The following GALNT13 variants were observed in gnomAD, a reference collection of about 807,000 sequenced individuals.
GALNT13 encodes the protein UDP-GalNAc:polypeptide N-acetylgalactosaminyltransferase 13.
In GALNT13, 28 loss-of-function variants were observed where a neutral mutation model predicts 64.2. The observed-to-expected ratio is 0.44, with a 90% CI of 0.32 to 0.60. The LOEUF (loss-of-function observed/expected upper bound fraction) is 0.60. GALNT13 is among the 20% of genes least tolerant of loss of function. The pLI, the probability that GALNT13 is intolerant of heterozygous loss-of-function variation, is 0.05. For synonymous variants in GALNT13, 214 were observed against 224.6 expected, an observed-to-expected ratio of 0.95 and a Z score of 0.42; for missense variants, 577 against 669.8, an observed-to-expected ratio of 0.86 and a Z score of 1.53.
chr2:154,143,311 C>T (rs1243250770), intron 4 of GALNT13, among the ~76,000 whole-genome samples: 1 of 152,134 alleles, frequency 6.6e-6, no homozygotes, highest in African/African-American at 2.4e-5. Flanking sequence ...TGCTGTGTGG[C>T]TGGGTTCCTA....
At chr2:154,172,316 T>C (rs1685399553) in intron 4 of GALNT13, among the ~76,000 whole-genome samples, 1 of 152,058 alleles carries the variant, frequency 6.6e-6, no homozygotes, top group South Asian at 2.1e-4. Context: ...AGTTCTCTAC[T>C]AGCTATTTTG....
At chr2:153,733,025 T>A in the GALNT13 span, among the ~76,000 whole-genome samples, 1 of 152,070 alleles carries the variant, frequency 6.6e-6, no homozygotes, top group Non-Finnish European at 1.5e-5. Context: ...AGGCAACATA[T>A]CTAAGGATAA....
chr2:153,148,743 T>C, the GALNT13 span, among the ~76,000 whole-genome samples: 7 of 151,890 alleles, frequency 4.6e-5, no homozygotes, highest in African/African-American at 1.7e-4. Flanking sequence ...AAGGAAAAAG[T>C]ATTTGATCAA....
At chr2:153,505,022 T>C in the GALNT13 span, among the ~76,000 whole-genome samples, 90 of 152,280 alleles carry the variant, frequency 5.9e-4, 1 homozygote, top group African/African-American at 2.2e-3. Flanking sequence ...TGGACTTTTT[T>C]ATTGGCAATT....
At chr2:153,353,315 T>C in the GALNT13 span, among the ~76,000 whole-genome samples, 3 of 152,190 alleles carry the variant, frequency 2.0e-5, no homozygotes, top group African/African-American at 7.2e-5. Flanking sequence ...TCTGCAACCT[T>C]GCTATAATCT....
chr2:154,151,744 G>A (rs1043107920), intron 4 of GALNT13, among the ~76,000 whole-genome samples: 4 of 152,166 alleles, frequency 2.6e-5, no homozygotes, highest in African/African-American at 4.8e-5. Context: ...CAGGGACTAG[G>A]ATTGCAATCC....
intron 12 of GALNT13, among the ~76,000 whole-genome samples, chr2:154,443,136 C>T (rs1342128712): frequency 6.6e-6 from 1 of 152,064 alleles, no homozygotes; most frequent in Non-Finnish European, 1.5e-5. Flanking sequence ...AAAACAATGG[C>T]TCAATTTACC....
At chr2:153,538,495 C>T in the GALNT13 span, among the ~76,000 whole-genome samples, 1 of 114,822 alleles carries the variant, frequency 8.7e-6, no homozygotes, top group African/African-American at 3.5e-5. Flanking sequence ...CACCCACTAA[C>T]TCATCATCTA....
intron 4 of GALNT13, among the ~76,000 whole-genome samples, chr2:154,180,467 A>G (rs952640959): frequency 6.6e-5 from 10 of 152,036 alleles, no homozygotes; most frequent in African/African-American, 2.4e-4. Flanking sequence ...ATTTACATTT[A>G]CAATTTCTTG....
chr2:153,317,490 G>A, the GALNT13 span, among the ~76,000 whole-genome samples: 1 of 151,794 alleles, frequency 6.6e-6, no homozygotes, highest in East Asian at 1.9e-4. Context: ...ATGTTGAGGT[G>A]GTTTCTGATT....
intron 8 of GALNT13, among the ~76,000 whole-genome samples, chr2:154,266,336 A>C (rs1163221561): frequency 6.6e-6 from 1 of 152,112 alleles, no homozygotes; most frequent in East Asian, 1.9e-4. Context: ...TAAGACTATA[A>C]TTCCAGAAGA....
At chr2:153,273,701 T>C in the GALNT13 span, among the ~76,000 whole-genome samples, 1 of 152,356 alleles carries the variant, frequency 6.6e-6, no homozygotes, top group Admixed American at 6.5e-5. Flanking sequence ...GAGGATTATA[T>C]TAAGCTACTG....
At chr2:153,689,527 T>C in the GALNT13 span, among the ~76,000 whole-genome samples, 1 of 152,182 alleles carries the variant, frequency 6.6e-6, no homozygotes, top group East Asian at 1.9e-4. Context: ...CACGAAGATA[T>C]ACTTTTTTAT....
At chr2:154,253,546 T>A (rs1690204467) in intron 7 of GALNT13, among the ~76,000 whole-genome samples, 1 of 152,180 alleles carries the variant, frequency 6.6e-6, no homozygotes, top group African/African-American at 2.4e-5. Context: ...CCTGTCATCC[T>A]GAGACAGGAA....
the GALNT13 span, among the ~76,000 whole-genome samples, chr2:153,129,437 G>T: frequency 6.6e-6 from 1 of 152,074 alleles, no homozygotes; most frequent in Non-Finnish European, 1.5e-5. Context: ...TAGGCAAAAG[G>T]AGGTCAATCA....
chr2:153,947,238 G>C (rs939981764), intron 3 of GALNT13, among the ~76,000 whole-genome samples: 10 of 151,946 alleles, frequency 6.6e-5, no homozygotes, highest in Admixed American at 4.6e-4. Flanking sequence ...CCTGATGTTT[G>C]GGACATAAGG....
intron 3 of GALNT13, among the ~76,000 whole-genome samples, chr2:154,021,588 G>A (rs1483884266): frequency 4.6e-5 from 7 of 151,906 alleles, no homozygotes; most frequent in African/African-American, 9.7e-5. Context: ...TTATCAGCTT[G>A]AGGAGATTTT....
chr2:153,195,902 GTGT>G, the GALNT13 span, among the ~76,000 whole-genome samples: 1 of 152,178 alleles, frequency 6.6e-6, no homozygotes, highest in Non-Finnish European at 1.5e-5. Context: ...TGTCCCATGA[GTGT>G]TCAGCTACTA....
intron 2 of GALNT13, among the ~76,000 whole-genome samples, chr2:153,943,037 C>T (rs1453653354): frequency 6.6e-6 from 1 of 152,134 alleles, no homozygotes; most frequent in Non-Finnish European, 1.5e-5. Flanking sequence ...TTACATTTTA[C>T]TCGATATTAT....
Sources: gnomAD v4.1 joint callset for allele counts (sites outside exome capture counted in the v4.1 genomes callset) on GRCh38, gnomAD v4.1.1 for gene constraint, MANE v1.5 for transcripts, NCBI Gene and HGNC (gene_info 2026-07-23, HGNC 2026-07-21) for gene names.